The following ZFHX3 variants were observed in gnomAD, a reference collection of about 807,000 sequenced individuals.
ZFHX3 encodes the protein zinc finger homeobox 3.
Under a neutral mutation model 279.1 loss-of-function variants are expected in ZFHX3, and 42 were observed. The observed-to-expected ratio is 0.15, with a 90% CI of 0.12 to 0.19. The LOEUF (loss-of-function observed/expected upper bound fraction) is 0.19, where lower values mean the gene tolerates loss of function less well. Ranked by LOEUF, ZFHX3 falls within the 10% of genes least tolerant of loss-of-function variation. The pLI is 1.00. For missense variants in ZFHX3, 4,981 were observed against 4,754.0 expected, an observed-to-expected ratio of 1.05 and a Z score of -1.40; for synonymous variants, 2,293 against 1,957.8, an observed-to-expected ratio of 1.17 and a Z score of -4.52.
intron 4 of ZFHX3, among the ~76,000 whole-genome samples, chr16:72,887,796 T>A (rs1205564019): frequency 6.6e-6 from 1 of 151,846 alleles, no homozygotes; most frequent in Non-Finnish European, 1.5e-5. Flanking sequence ...GTACAACGTA[T>A]GTGGGTATGG....
At chr16:73,797,055 T>C (rs9927686) in intron 1 of ZFHX3, among the ~76,000 whole-genome samples, 7,538 of 151,118 alleles carry the variant, frequency 0.05, 578 homozygotes, top group African/African-American at 0.17. Flanking sequence ...AAAAAAAAAT[T>C]AGCCAGGCAG....
At chr16:73,441,398 G>A (rs1322126015) in intron 3 of ZFHX3, among the ~76,000 whole-genome samples, 1 of 152,084 alleles carries the variant, frequency 6.6e-6, no homozygotes, top group African/African-American at 2.4e-5. Flanking sequence ...ATTTTTGCAT[G>A]TGTCTTTGAA....
chr16:72,933,822 T>TTTC (rs1294861288), intron 3 of ZFHX3, among the ~76,000 whole-genome samples: 6 of 113,514 alleles, frequency 5.3e-5, no homozygotes, highest in South Asian at 2.8e-4. Context: ...TCTTTTTTTT[T>TTTC]TTTTTTTTTT....
At chr16:73,437,875 C>T (rs899416658) in intron 3 of ZFHX3, among the ~76,000 whole-genome samples, 3 of 152,144 alleles carry the variant, frequency 2.0e-5, no homozygotes, top group African/African-American at 7.2e-5. Flanking sequence ...AAAATATTTG[C>T]AAACCAAAAT....
intron 7 of ZFHX3, among the ~76,000 whole-genome samples, chr16:73,107,304 T>C (rs1021438210): frequency 6.6e-6 from 1 of 151,928 alleles, no homozygotes; most frequent in Non-Finnish European, 1.5e-5. Context: ...AGCAAGACTC[T>C]GTCTCAAAAA....
At chr16:72,824,190 G>A (rs944260657) in intron 5 of ZFHX3, among the ~76,000 whole-genome samples, 6 of 152,096 alleles carry the variant, frequency 3.9e-5, no homozygotes, top group South Asian at 4.1e-4. Flanking sequence ...GGAGCCATAC[G>A]CTATACATTT....
intron 1 of ZFHX3, among the ~76,000 whole-genome samples, chr16:73,792,378 A>G (rs2142315799): frequency 6.6e-6 from 1 of 152,344 alleles, no homozygotes; most frequent in East Asian, 1.9e-4. Flanking sequence ...ATATCTAGGC[A>G]GCAATACACA....
At chr16:73,872,425 G>T (rs936450795) in intron 1 of ZFHX3, among the ~76,000 whole-genome samples, 6 of 151,776 alleles carry the variant, frequency 4.0e-5, no homozygotes, top group Non-Finnish European at 8.8e-5. Context: ...AGTAGACACG[G>T]GGTTTCACCA....
At chr16:73,608,601 AAAC>A (rs2052214592) in intron 2 of ZFHX3, 2 of 152,244 alleles carry the variant, frequency 1.3e-5, no homozygotes, top group Admixed American at 6.5e-5. Context: ...CAAAAGCAGA[AAAC>A]AACAATTTTT....
rs148424530 is a variant in ZFHX3 at position 73,494,978 on chromosome 16, G to A, written c.-1546-38720C>T. On this transcript the variant is annotated intron_variant, in intron 2 of 17. Coordinates refer to the ZFHX3 transcript ENST00000641206. ...AAATGAGTGGTGTTGAGTTCCACTCGCCTTGTTTCTCTTTTGTATCAATCG... is the reference window on the plus strand; with the variant it reads ...AAATGAGTGGTGTTGAGTTCCACTCACCTTGTTTCTCTTTTGTATCAATCG... 9.1e-3 allele frequency among the ~76,000 whole-genome samples: 1,379 copies of A among 152,266 alleles called. 21 individuals are homozygous for A. The highest frequency in any genetic ancestry group is 0.03 in the African/African-American group (1,243 of 41,540).
intron 1 of ZFHX3, among the ~76,000 whole-genome samples, chr16:73,865,618 T>A (rs770053702): frequency 6.6e-6 from 1 of 152,174 alleles, no homozygotes; most frequent in Non-Finnish European, 1.5e-5. Context: ...GGCACCATGT[T>A]CCAGGTCCTG....
chr16:72,812,088 C>T, intron 5 of ZFHX3, 50 bp from the exon 6 acceptor site: 1 of 1,592,648 alleles, frequency 6.3e-7, no homozygotes, highest in Non-Finnish European at 8.5e-7. Context: ...CAGGCCAGCT[C>T]CCAGAGGGTT....
chr16:73,082,330 C>T (rs1469168466), intron 8 of ZFHX3, among the ~76,000 whole-genome samples: 1 of 151,990 alleles, frequency 6.6e-6, no homozygotes, highest in Non-Finnish European at 1.5e-5. Flanking sequence ...TGCAGTGGCG[C>T]GATCTTGGCT....
intron 2 of ZFHX3, among the ~76,000 whole-genome samples, chr16:73,534,173 T>C (rs1597372572): frequency 6.6e-6 from 1 of 152,156 alleles, no homozygotes; most frequent in Non-Finnish European, 1.5e-5. Context: ...CCTTGCCCAT[T>C]CAGCTCCAGC....
At chr16:72,845,756 G>C (rs951256174) in intron 4 of ZFHX3, among the ~76,000 whole-genome samples, 3 of 151,894 alleles carry the variant, frequency 2.0e-5, no homozygotes, top group African/African-American at 7.3e-5. Flanking sequence ...CCAATACCAC[G>C]CGCCTGGAAA....
At chr16:73,298,825 C>T (rs1367706740) in intron 4 of ZFHX3, among the ~76,000 whole-genome samples, 2 of 152,180 alleles carry the variant, frequency 1.3e-5, no homozygotes, top group Non-Finnish European at 2.9e-5. Context: ...AAATTTGTTT[C>T]GTTACTGATA....
chr16:72,794,175 G>C lies in ZFHX3; in HGVS notation c.8507C>G (p.Ser2836Cys). The change falls in exon 9 of 10, where the codon TCC (serine) becomes TGC (cysteine). Residue 2836 changes from serine to cysteine, a missense_variant. By Grantham distance (112) the Ser-to-Cys change is moderately radical. Coordinates refer to ENST00000268489, the MANE Select transcript of ZFHX3 (RefSeq NM_006885.4). The surrounding 1 kb of genome is among the most constrained non-coding windows in gnomAD (Gnocchi z 4.2). The stretch of plus-strand genomic sequence containing the variant: ...ATCTGTGATTGCTGTGTTGACAGAG[G>C]AACAGTCATCGTTGTCCAGCTTAGT... Reference protein sequence around the residue: ...DQTKLDNDDCSSVNTAITDTT... With the variant: ...DQTKLDNDDCCSVNTAITDTT... 1 of 1,614,204 alleles carries C rather than the reference G, an allele frequency of 6.2e-7. No homozygotes were observed. The highest frequency in any genetic ancestry group is 2.2e-5 in the East Asian group (1 of 44,876).
chr16:73,152,171 A>G (rs1047838320), intron 5 of ZFHX3, among the ~76,000 whole-genome samples: 8 of 152,214 alleles, frequency 5.3e-5, no homozygotes, highest in Admixed American at 2.0e-4. Flanking sequence ...GACCCTGGAT[A>G]TCACTCAACT....
At chr16:73,445,714 G>T (rs2018175308) in intron 3 of ZFHX3, among the ~76,000 whole-genome samples, 1 of 152,208 alleles carries the variant, frequency 6.6e-6, no homozygotes, top group African/African-American at 2.4e-5. Flanking sequence ...TTCATTGAGA[G>T]CTTTGACCTT....
Sources: gnomAD v4.1 joint callset for allele counts (sites outside exome capture counted in the v4.1 genomes callset) on GRCh38, gnomAD v4.1.1 for gene constraint, Gnocchi (gnomAD v3.1) non-coding constraint, MANE v1.5 for transcripts, NCBI Gene and HGNC (gene_info 2026-07-23, HGNC 2026-07-21) for gene names.